Variants in PRSS23 observed in about 807,000 individuals in gnomAD.
The protein encoded by PRSS23 is serine protease 23, also known as protease, serine 23.
Under a neutral mutation model 34.7 loss-of-function variants are expected in PRSS23, and 25 were observed. That is an observed-to-expected ratio of 0.72 (90% CI 0.53 to 1.01). The LOEUF (loss-of-function observed/expected upper bound fraction) is 1.01, where lower values mean the gene tolerates loss of function less well. Among genes scored for constraint, PRSS23 ranks in the 50% least tolerant of loss-of-function variants. The probability of loss-of-function intolerance (pLI) is 0.00; values close to 1 mark genes in which losing one functional copy is unlikely to be tolerated. For missense variants in PRSS23, 445 were observed against 475.6 expected, an observed-to-expected ratio of 0.94 and a Z score of 0.60; for synonymous variants, 176 against 186.6, an observed-to-expected ratio of 0.94 and a Z score of 0.46.
At chr11:86,934,383 TTTTTTC>T (rs1949147351) in intron 2 of PRSS23, 1 of 22,604 alleles carries the variant, frequency 4.4e-5, no homozygotes, top group Non-Finnish European at 1.5e-4. Flanking sequence ...CTCTCTTTGG[TTTTTTC>T]TTTTTTCTAC....
chr11:86,810,907 CAG>C lies in PRSS23; in HGVS notation c.*2114_*2115del, dbSNP rs1453827420. On this transcript the variant is annotated 3_prime_UTR_variant, in exon 2 of 2. Transcript: ENST00000280258. ...GGTATTAAACTATCATAGAAGTAGA[CAG>C]AAAAAGAAAAAAGGACTCATGGCAT... The C allele has an allele frequency of 1.8e-5, 3 of 166,646 alleles. No individual in the cohort carries two copies. Among genetic ancestry groups the C allele is most frequent in the Non-Finnish European group, 4.4e-5 (3 of 68,000 alleles). The allele number at this position is 166,646 out of a possible 1,614,324, so 10.3% of individuals were successfully genotyped here.
At chr11:86,940,623 G>A (rs981934913) in intron 2 of PRSS23, among the ~76,000 whole-genome samples, 15 of 152,262 alleles carry the variant, frequency 9.9e-5, no homozygotes, top group African/African-American at 3.6e-4. Flanking sequence ...ACTCCCCTGT[G>A]CTGAGCGCAG....
At position 86,831,645 on chromosome 11, in the gene PRSS23, A is replaced by T. The variant is rs548059236; in HGVS notation, c.206+8052A>T. Among the ~76,000 whole-genome samples the T allele has an allele frequency of 1.6e-4, 24 of 151,464 alleles. No individual in the cohort carries two copies. The East Asian group carries it at 4.7e-3, about 30-fold the overall frequency. ...CAGGGGGTGTACGCCCTGTGATATC[A>T]TTCCTAATATTCTAGGGGATGTTAC... On this transcript the variant is annotated intron_variant, in intron 2 of 2. Coordinates refer to the PRSS23 transcript ENST00000533902.
chr11:86,842,145 C>A (rs182641853), intron 2 of PRSS23, among the ~76,000 whole-genome samples: 1 of 152,162 alleles, frequency 6.6e-6, no homozygotes, highest in South Asian at 2.1e-4. Context: ...AATCAATAAA[C>A]GTAATCCATC....
chr11:86,851,418 G>A (rs1168181242), intron 2 of PRSS23, among the ~76,000 whole-genome samples: 1 of 152,190 alleles, frequency 6.6e-6, no homozygotes, highest in Non-Finnish European at 1.5e-5. Flanking sequence ...TAGTGAACGT[G>A]GCATCCACTG....
intron 2 of PRSS23, among the ~76,000 whole-genome samples, chr11:86,942,114 T>A (rs1432366867): frequency 1.3e-5 from 2 of 152,178 alleles, no homozygotes; most frequent in Non-Finnish European, 2.9e-5. Context: ...ATCATTGCAA[T>A]CAGTGCAAGG....
At chr11:86,798,514 C>G (rs1947997040), upstream of PRSS23, among the ~76,000 whole-genome samples, 1 of 152,198 alleles carries the variant, frequency 6.6e-6, no homozygotes, top group Admixed American at 6.5e-5. Context: ...ATGAGAGTGG[C>G]AGAGCCACAG....
At chr11:86,890,743 C>G (rs757059363) in intron 2 of PRSS23, among the ~76,000 whole-genome samples, 10 of 152,006 alleles carry the variant, frequency 6.6e-5, no homozygotes, top group African/African-American at 1.2e-4. Flanking sequence ...AAACTGCATG[C>G]TGTTTGCAAG....
At chr11:86,886,283 A>G (rs1948801709) in intron 2 of PRSS23, among the ~76,000 whole-genome samples, 1 of 152,182 alleles carries the variant, frequency 6.6e-6, no homozygotes, top group African/African-American at 2.4e-5. Context: ...CCTCAGCTGG[A>G]GAGAGCTACC....
At chr11:86,859,609 T>C (rs1032110636) in intron 2 of PRSS23, among the ~76,000 whole-genome samples, 2 of 151,974 alleles carry the variant, frequency 1.3e-5, no homozygotes, top group African/African-American at 4.8e-5. Flanking sequence ...TTACTCCCAG[T>C]ATCACAGTGG....
intron 2 of PRSS23, among the ~76,000 whole-genome samples, chr11:86,839,210 C>T (rs1948429547): frequency 6.6e-6 from 1 of 152,140 alleles, no homozygotes; most frequent in Admixed American, 6.5e-5. Flanking sequence ...GCTAAAGGAG[C>T]ATGTTCTAAC....
intron 2 of PRSS23, among the ~76,000 whole-genome samples, chr11:86,913,691 T>A (rs979974061): frequency 6.6e-6 from 1 of 151,606 alleles, no homozygotes; most frequent in African/African-American, 2.4e-5. Context: ...TGCAGTAAAA[T>A]AGCTAAAAAC....
At chr11:86,899,997 G>A (rs1042037370) in intron 2 of PRSS23, among the ~76,000 whole-genome samples, 20 of 152,082 alleles carry the variant, frequency 1.3e-4, no homozygotes, top group African/African-American at 4.8e-4. Flanking sequence ...ACCAAAGAAC[G>A]CATGGTCTAT....
chr11:86,918,507 C>G (rs866892144), intron 2 of PRSS23, among the ~76,000 whole-genome samples: 2 of 152,216 alleles, frequency 1.3e-5, no homozygotes, highest in South Asian at 4.1e-4. Context: ...AAATTGCCAC[C>G]TCACCACCAT....
intron 2 of PRSS23, among the ~76,000 whole-genome samples, chr11:86,893,970 A>G (rs1302845200): frequency 6.6e-6 from 1 of 152,004 alleles, no homozygotes; most frequent in Non-Finnish European, 1.5e-5. Context: ...TAAAGGGGGG[A>G]ATCAATTCAC....
downstream of PRSS23, among the ~76,000 whole-genome samples, chr11:86,814,378 G>C (rs1025481033): frequency 3.3e-5 from 5 of 151,974 alleles, no homozygotes; most frequent in Non-Finnish European, 7.4e-5. Flanking sequence ...AGGAGGAGGA[G>C]GAGGCAGTAA....
chr11:86,937,671 T>C (rs1306672426), intron 2 of PRSS23: 3 of 152,204 alleles, frequency 2.0e-5, no homozygotes, highest in Non-Finnish European at 4.4e-5. Context: ...TTACCCTATA[T>C]GGTCTAAAAG....
At chr11:86,866,002 C>T (rs753285913) in intron 2 of PRSS23, among the ~76,000 whole-genome samples, 20 of 152,284 alleles carry the variant, frequency 1.3e-4, no homozygotes, top group South Asian at 2.1e-4. Context: ...CTGGGAGTCA[C>T]GCTTCATATT....
chr11:86,828,338 A>G (rs562507773), intron 2 of PRSS23, among the ~76,000 whole-genome samples: 12 of 151,096 alleles, frequency 7.9e-5, no homozygotes, highest in African/African-American at 2.2e-4. Flanking sequence ...TTTGTTTTCC[A>G]TTTGCTTGGT....
Sources: allele counts gnomAD v4.1 joint callset (sites outside exome capture counted in the v4.1 genomes callset), GRCh38; gene constraint gnomAD v4.1.1; transcripts MANE v1.5; gene names NCBI Gene and HGNC (gene_info 2026-07-23, HGNC 2026-07-21).